Variants in ASPRV1 observed in about 807,000 individuals in gnomAD.
The protein encoded by ASPRV1 is retroviral-like aspartic protease 1.
A neutral mutation model predicts 11.0 loss-of-function variants in ASPRV1; 7 were observed. The observed-to-expected ratio is 0.64, with a 90% confidence interval of 0.36 to 1.20. The LOEUF is 1.20. Among genes scored for constraint, ASPRV1 ranks in the 50% most tolerant of loss-of-function variants. The probability of loss-of-function intolerance (pLI) is 0.02; values close to 1 mark genes in which losing one functional copy is unlikely to be tolerated. For missense variants in ASPRV1, 299 were observed against 320.0 expected, an observed-to-expected ratio of 0.93 and a Z score of 0.50; for synonymous variants, 136 against 138.4, an observed-to-expected ratio of 0.98 and a Z score of 0.12.
chr2:69,951,508 T>C, the ASPRV1 span, among the ~76,000 whole-genome samples: 1 of 148,188 alleles, frequency 6.7e-6, no homozygotes, highest in Non-Finnish European at 1.5e-5. Context: ...TATTTATATA[T>C]ATAGATCTAT....
At chr2:69,934,696 A>C in the ASPRV1 span, among the ~76,000 whole-genome samples, 11 of 152,334 alleles carry the variant, frequency 7.2e-5, no homozygotes, top group African/African-American at 2.6e-4. Context: ...GTATACTCAC[A>C]GTTTGGAATC....
chr2:70,017,237 C>G, the ASPRV1 span, among the ~76,000 whole-genome samples: 1 of 152,172 alleles, frequency 6.6e-6, no homozygotes, highest in Non-Finnish European at 1.5e-5. Context: ...GTGATCTGCC[C>G]ACCTCAGCCT....
At chr2:70,060,251 G>C in the ASPRV1 span, 1 of 143,116 alleles carries the variant, frequency 7.0e-6, no homozygotes, top group Non-Finnish European at 1.5e-5. Context: ...TGAGGCATGA[G>C]AATTACTTGA....
the ASPRV1 span, among the ~76,000 whole-genome samples, chr2:70,080,266 G>A: frequency 2.0e-5 from 3 of 150,274 alleles, no homozygotes; most frequent in South Asian, 6.3e-4. Flanking sequence ...CACTCTTGTT[G>A]CCTGGGCTGA....
At chr2:70,054,576 C>CAATAAATAAATAAATA in the ASPRV1 span, among the ~76,000 whole-genome samples, 1 of 149,176 alleles carries the variant, frequency 6.7e-6, no homozygotes, top group African/African-American at 2.5e-5. Context: ...GACTCCGTCT[C>CAATAAATAAATAAATA]AATAAATAAA....
the ASPRV1 span, among the ~76,000 whole-genome samples, chr2:69,989,979 T>C: frequency 3.3e-5 from 5 of 152,210 alleles, 1 homozygote; most frequent in South Asian, 4.1e-4. Context: ...GTGGCCACAG[T>C]GCTAAGAATC....
the ASPRV1 span, among the ~76,000 whole-genome samples, chr2:70,011,501 G>T: frequency 6.6e-6 from 1 of 152,146 alleles, no homozygotes; most frequent in Non-Finnish European, 1.5e-5. Flanking sequence ...GATGAGGGAA[G>T]GGAGGGAGCC....
the ASPRV1 span, among the ~76,000 whole-genome samples, chr2:69,951,530 CAT>C: frequency 5.5e-5 from 8 of 145,704 alleles, no homozygotes; most frequent in East Asian, 8.0e-4. Flanking sequence ...CACACACACT[CAT>C]ATCATATATA....
At chr2:70,036,064 G>A in the ASPRV1 span, among the ~76,000 whole-genome samples, 29 of 151,218 alleles carry the variant, frequency 1.9e-4, no homozygotes, top group African/African-American at 6.8e-4. Flanking sequence ...CAGATATTCA[G>A]CCTCAAAGTT....
At chr2:70,051,782 T>C in the ASPRV1 span, among the ~76,000 whole-genome samples, 1 of 152,062 alleles carries the variant, frequency 6.6e-6, no homozygotes, top group Non-Finnish European at 1.5e-5. Context: ...GAGACCAGAC[T>C]GGGCAACACA....
the ASPRV1 span, among the ~76,000 whole-genome samples, chr2:69,950,903 TA>T: frequency 3.1e-4 from 46 of 149,318 alleles, no homozygotes; most frequent in African/African-American, 1.1e-3. Flanking sequence ...AAAAATAAAA[TA>T]GGGGATTGGT....
chr2:69,988,541 T>G, the ASPRV1 span: 1 of 320,828 alleles, frequency 3.1e-6, no homozygotes, highest in Non-Finnish European at 6.2e-6. Flanking sequence ...GTAGTGGGAG[T>G]TAGTGTTTAG....
chr2:70,009,502 G>A, the ASPRV1 span, among the ~76,000 whole-genome samples: 1 of 151,968 alleles, frequency 6.6e-6, no homozygotes, highest in Non-Finnish European at 1.5e-5. Context: ...GCTAATTTTT[G>A]TATTTTTTAG....
At chr2:69,953,724 T>C in the ASPRV1 span, among the ~76,000 whole-genome samples, 2 of 152,194 alleles carry the variant, frequency 1.3e-5, no homozygotes, top group Admixed American at 6.5e-5. Context: ...TCTTTCTTTT[T>C]TGAGAGCAAG....
chr2:70,057,071 T>G, the ASPRV1 span, among the ~76,000 whole-genome samples: 14 of 151,224 alleles, frequency 9.3e-5, no homozygotes, highest in East Asian at 1.8e-3. Flanking sequence ...AATGTTCATA[T>G]GTGAAAAAAA....
At chr2:70,002,054 G>A in the ASPRV1 span, among the ~76,000 whole-genome samples, 2 of 152,034 alleles carry the variant, frequency 1.3e-5, no homozygotes, top group Non-Finnish European at 2.9e-5. Flanking sequence ...CAAAACCATA[G>A]CAATGTGTAT....
chr2:70,019,118 T>C, the ASPRV1 span: 2 of 152,266 alleles, frequency 1.3e-5, no homozygotes, highest in African/African-American at 2.4e-5. Context: ...TGAACAGACA[T>C]TTCCCAAAAT....
chr2:70,074,022 T>C, the ASPRV1 span, among the ~76,000 whole-genome samples: 1 of 148,290 alleles, frequency 6.7e-6, no homozygotes, highest in South Asian at 2.2e-4. Context: ...TAGTCCCAGC[T>C]ACTCGGGAGG....
the ASPRV1 span, among the ~76,000 whole-genome samples, chr2:69,999,298 A>C: frequency 9.2e-5 from 14 of 152,018 alleles, no homozygotes; most frequent in Non-Finnish European, 1.8e-4. Flanking sequence ...TAAAAAAAAA[A>C]ACTCACTAAA....
Sources: gnomAD v4.1 joint callset for allele counts (sites outside exome capture counted in the v4.1 genomes callset) on GRCh38, gnomAD v4.1.1 for gene constraint, MANE v1.5 for transcripts, NCBI Gene and HGNC (gene_info 2026-07-23, HGNC 2026-07-21) for gene names.